KIAA0825: variants seen among roughly 807,000 people sequenced by gnomAD.
The protein encoded by KIAA0825 is uncharacterized protein KIAA0825.
In KIAA0825, 119 loss-of-function variants were observed where a neutral mutation model predicts 147.6. That is an observed-to-expected ratio of 0.81 (90% CI 0.69 to 0.94). The LOEUF (loss-of-function observed/expected upper bound fraction) is 0.94. Among genes scored for constraint, KIAA0825 ranks in the 40% least tolerant of loss-of-function variants. The pLI is 0.00. For synonymous variants in KIAA0825, 470 were observed against 518.1 expected (o/e 0.91, Z 1.26); for missense variants, 1,381 against 1,472.7 (o/e 0.94, Z 1.02).
At chr5:94,365,556 A>G (rs931347734) in intron 20 of KIAA0825, among the ~76,000 whole-genome samples, 3 of 152,192 alleles carry the variant, frequency 2.0e-5, no homozygotes, top group South Asian at 2.1e-4. Flanking sequence ...TGTGGCCACA[A>G]CTTCCTGAAA....
chr5:94,282,600 G>A (rs998363844), intron 20 of KIAA0825, among the ~76,000 whole-genome samples: 5 of 152,024 alleles, frequency 3.3e-5, no homozygotes, highest in Admixed American at 2.6e-4. Context: ...TAATATTCTT[G>A]ATATGAAATA....
chr5:94,204,498 A>G (rs1297051175), intron 20 of KIAA0825, among the ~76,000 whole-genome samples: 1 of 152,218 alleles, frequency 6.6e-6, no homozygotes, highest in Non-Finnish European at 1.5e-5. Context: ...TTGCATCCAA[A>G]CAAATGGAAA....
intron 16 of KIAA0825, among the ~76,000 whole-genome samples, chr5:94,397,079 C>G (rs1260498106): frequency 6.6e-6 from 1 of 152,094 alleles, no homozygotes; most frequent in Non-Finnish European, 1.5e-5. Flanking sequence ...ATTTTGTTGC[C>G]TTTATTATAG....
At chr5:94,477,077 T>C in intron 7 of KIAA0825, 34 bp downstream of exon 7, 1 of 1,403,492 alleles carries the variant, frequency 7.1e-7, no homozygotes, top group Non-Finnish European at 9.9e-7. Context: ...ATATTATATG[T>C]GAATTATAAA....
At chr5:94,267,198 C>A (rs1258308000) in intron 20 of KIAA0825, among the ~76,000 whole-genome samples, 4 of 152,118 alleles carry the variant, frequency 2.6e-5, no homozygotes, top group African/African-American at 9.7e-5. Context: ...AGCTCAGTTA[C>A]AAAAGGAAGC....
At chr5:94,497,281 T>A (rs761631507) in intron 5 of KIAA0825, among the ~76,000 whole-genome samples, 21 of 152,320 alleles carry the variant, frequency 1.4e-4, no homozygotes, top group Middle Eastern at 3.4e-3. Context: ...CATTTTGGAA[T>A]AATATGGACA....
chr5:94,306,020 C>T (rs1778709504), intron 20 of KIAA0825, among the ~76,000 whole-genome samples: 1 of 151,804 alleles, frequency 6.6e-6, no homozygotes, highest in Non-Finnish European at 1.5e-5. Flanking sequence ...GAACCATCCC[C>T]CACCTCTCCA....
rs192518429 is a variant in KIAA0825 at position 94,360,097 on chromosome 5, A to C, written c.3710+24271T>G. ...GACTAAAAATGTCCAGAGAATAAAAAATTCTTAGGACAGTTCAGGAACAAG... is the reference window on the plus strand; with the variant it reads ...GACTAAAAATGTCCAGAGAATAAAACATTCTTAGGACAGTTCAGGAACAAG... On this transcript the variant is annotated intron_variant, in intron 20 of 20. Transcript: ENST00000682413. 8.9e-4 allele frequency among the ~76,000 whole-genome samples: 136 copies of C among 152,280 alleles called. 1 individual carries two copies. The highest frequency in any genetic ancestry group is 3.1e-3 in the African/African-American group (129 of 41,552).
intron 20 of KIAA0825, among the ~76,000 whole-genome samples, chr5:94,217,748 A>AT (rs1160042995): frequency 1.3e-5 from 2 of 152,118 alleles, no homozygotes; most frequent in African/African-American, 4.8e-5. Flanking sequence ...TATTATAGAG[A>AT]TTTAAGGTGT....
intron 1 of KIAA0825, among the ~76,000 whole-genome samples, chr5:94,606,637 G>T (rs1015924840): frequency 1.3e-5 from 2 of 152,066 alleles, no homozygotes; most frequent in Admixed American, 6.6e-5. Context: ...TTTTGACAAA[G>T]AAACTATCAA....
At chr5:94,254,299 CAGTT>C (rs1314206996) in intron 20 of KIAA0825, among the ~76,000 whole-genome samples, 1 of 152,122 alleles carries the variant, frequency 6.6e-6, no homozygotes, top group Non-Finnish European at 1.5e-5. Context: ...CCAATTAGCT[CAGTT>C]GGTTAGCAGA....
At chr5:94,570,068 C>A (rs1470314762) in intron 2 of KIAA0825, 1 of 152,526 alleles carries the variant, frequency 6.6e-6, no homozygotes, top group East Asian at 1.9e-4. Context: ...CACCCTCACA[C>A]GATTCTTTAC....
chr5:94,271,433 T>G (rs1221956419), intron 20 of KIAA0825, among the ~76,000 whole-genome samples: 2 of 152,018 alleles, frequency 1.3e-5, no homozygotes, highest in Admixed American at 6.6e-5. Context: ...AGTCTAATAA[T>G]CCATTTAAAA....
At chr5:94,589,529 A>C (rs1190014748) in intron 1 of KIAA0825, among the ~76,000 whole-genome samples, 3 of 152,198 alleles carry the variant, frequency 2.0e-5, no homozygotes, top group Admixed American at 1.3e-4. Context: ...GAGTTTTCCA[A>C]ATCATGTGTA....
chr5:94,333,344 G>T (rs1284980074), intron 20 of KIAA0825, among the ~76,000 whole-genome samples: 1 of 152,070 alleles, frequency 6.6e-6, no homozygotes, highest in Admixed American at 6.5e-5. Flanking sequence ...TTCTTCTAGG[G>T]TTTTTCTCGT....
At chr5:94,233,001 T>C (rs921817895) in intron 20 of KIAA0825, among the ~76,000 whole-genome samples, 11 of 152,182 alleles carry the variant, frequency 7.2e-5, no homozygotes, top group Admixed American at 6.5e-4. Flanking sequence ...TGGACTAAAA[T>C]ACTGCACAGG....
At chr5:94,272,702 A>G (rs1777049567) in intron 20 of KIAA0825, among the ~76,000 whole-genome samples, 1 of 152,182 alleles carries the variant, frequency 6.6e-6, no homozygotes, top group South Asian at 2.1e-4. Context: ...CTTGGGAAAA[A>G]TCTGGCAAAA....
rs1367166344 is a variant in KIAA0825 at position 94,150,866 on chromosome 5, T to TC, written c.*3140dup. Among the ~76,000 whole-genome samples the TC allele has an allele frequency of 6.6e-6, 1 of 152,166 alleles. No homozygotes were observed. The highest frequency in any genetic ancestry group is 1.5e-5 in the Non-Finnish European group (1 of 68,018). The stretch of plus-strand genomic sequence containing the variant: ...ATAAAATATCTGAAATAGACAATAT[T>TC]CTTTATAATTTATTTAAAAATTATT... On this transcript the variant is annotated 3_prime_UTR_variant, in exon 21 of 21. Transcript: ENST00000682413.
chr5:94,489,363 C>T (rs778372668), intron 5 of KIAA0825, among the ~76,000 whole-genome samples: 15 of 152,182 alleles, frequency 9.9e-5, no homozygotes, highest in African/African-American at 2.6e-4. Flanking sequence ...AGCGTCTCTA[C>T]GGGACGAAGC....
Sources: gnomAD v4.1 joint callset for allele counts (sites outside exome capture counted in the v4.1 genomes callset) on GRCh38, gnomAD v4.1.1 for gene constraint, MANE v1.5 for transcripts, NCBI Gene and HGNC (gene_info 2026-07-23, HGNC 2026-07-21) for gene names.